The following GABPA variants were observed in gnomAD, a reference collection of about 807,000 sequenced individuals.
The protein encoded by GABPA is GA-binding protein alpha chain.
In GABPA, 4 loss-of-function variants were observed where a neutral mutation model predicts 59.4. The observed-to-expected ratio is 0.07, with a 90% confidence interval of 0.03 to 0.15. GABPA has a LOEUF of 0.15. Among genes scored for constraint, GABPA ranks in the 10% least tolerant of loss-of-function variants. GABPA has a pLI of 1.00. For missense variants in GABPA, 251 were observed against 543.8 expected, an observed-to-expected ratio of 0.46 and a Z score of 5.36; for synonymous variants, 164 against 183.1, an observed-to-expected ratio of 0.90 and a Z score of 0.84.
chr21:25,756,177 A>G (rs993068500), intron 5 of GABPA, among the ~76,000 whole-genome samples: 1 of 143,402 alleles, frequency 7.0e-6, no homozygotes, highest in African/African-American at 2.4e-5. Flanking sequence ...CAGACAAATT[A>G]TATTTTTCCC....
chr21:25,740,539 C>T (rs562460700), intron 1 of GABPA, among the ~76,000 whole-genome samples: 14 of 152,180 alleles, frequency 9.2e-5, no homozygotes, highest in Non-Finnish European at 1.6e-4. Flanking sequence ...TCAGACATGT[C>T]CACAAAGAAA....
chr21:25,745,321 G>T lies in GABPA; in HGVS notation c.189G>T (p.Leu63Phe), dbSNP rs1156555176. The change falls in exon 3 of 10, where the codon TTG becomes TTT. Residue 63 changes from leucine (L) to phenylalanine (F), a missense_variant. Leu to Phe is a conservative substitution (Grantham distance 22). Around this residue, in one of 4 missense-constraint regions of GABPA, gnomAD observed 207 missense variants for 366.7 expected, o/e 0.56. Transcript: ENST00000400075. ...KLLEPRLQCS[L>F]DAHEICLQDI... ...TAGAACCAAGACTACAGTGTTCTTT[G>T]GATGCTCATGAAATTTGTCTGCAAG... 6.2e-7 allele frequency: 1 copy of T among 1,611,112 alleles called. No homozygotes were observed. Among genetic ancestry groups the T allele is most frequent in the Admixed American group, 1.7e-5 (1 of 59,060 alleles).
At chr21:25,735,782 G>A (rs1332979006) in intron 1 of GABPA, 1 of 151,256 alleles carries the variant, frequency 6.6e-6, no homozygotes, top group Non-Finnish European at 1.5e-5. Flanking sequence ...GGGGAGCGAA[G>A]GGGAGGGGCG....
intron 1 of GABPA, among the ~76,000 whole-genome samples, chr21:25,740,854 CAG>C (rs2035202601): frequency 6.6e-6 from 1 of 152,178 alleles, no homozygotes; most frequent in African/African-American, 2.4e-5. Flanking sequence ...ATCATTGTAT[CAG>C]TGTGATACTT....
intron 6 of GABPA, among the ~76,000 whole-genome samples, 178 bp downstream of exon 6, chr21:25,758,382 AAC>A (rs1261972412): frequency 6.6e-6 from 1 of 152,228 alleles, no homozygotes; most frequent in Non-Finnish European, 1.5e-5. Flanking sequence ...TTCCTATAGT[AAC>A]ACCATAAGTC....
rs1240496120 is a variant in GABPA, at chr21:25,734,976, G to T, written c.-629G>T. 6.4e-7 allele frequency: 1 copy of T among 1,563,084 alleles called. No individual in the cohort carries two copies. The highest frequency in any genetic ancestry group is 8.6e-7 in the Non-Finnish European group (1 of 1,156,122). ...TGCATTATGGGCCGCCGTTTCAGTC[G>T]GTCGACGCTCACCGGACAGGAAGCG... On this transcript the variant is annotated 5_prime_UTR_variant, in exon 1 of 10. Coordinates refer to ENST00000400075, the MANE Select transcript of GABPA (RefSeq NM_002040.4).
chr21:25,737,995 A>G (rs186866055), intron 1 of GABPA, among the ~76,000 whole-genome samples: 5 of 152,350 alleles, frequency 3.3e-5, no homozygotes, highest in Non-Finnish European at 5.9e-5. Flanking sequence ...GCTGTCACCA[A>G]TAAAGCTGCC....
At chr21:25,752,921 A>G (rs949439303) in intron 5 of GABPA, among the ~76,000 whole-genome samples, 10 of 152,168 alleles carry the variant, frequency 6.6e-5, no homozygotes, top group African/African-American at 2.4e-4. Context: ...TTTCTTTGGG[A>G]GTAGCAAGGA....
intron 5 of GABPA, among the ~76,000 whole-genome samples, chr21:25,756,407 A>G (rs1355212596): frequency 2.0e-5 from 3 of 151,978 alleles, no homozygotes; most frequent in Non-Finnish European, 2.9e-5. Context: ...GCTCACTTCT[A>G]GTTCCACTCT....
At chr21:25,760,771 T>A (rs767217003) in intron 6 of GABPA, among the ~76,000 whole-genome samples, 15 of 152,154 alleles carry the variant, frequency 9.9e-5, no homozygotes, top group Non-Finnish European at 1.8e-4. Flanking sequence ...GCTTACTTTG[T>A]GTGTAGCAAG....
At chr21:25,761,840 G>C (rs1196545982) in intron 6 of GABPA, among the ~76,000 whole-genome samples, 3 of 152,140 alleles carry the variant, frequency 2.0e-5, no homozygotes, top group Admixed American at 2.0e-4. Context: ...AAAATTTGCT[G>C]TCTTTAAGTA....
At chr21:25,745,141 T>C (rs1389568126) in intron 2 of GABPA, 69 bp from the exon 3 acceptor site, 140 of 1,534,562 alleles carry the variant, frequency 9.1e-5, no homozygotes, top group Non-Finnish European at 1.2e-4. Flanking sequence ...ATTGTGTTTT[T>C]AGCATATTGT....
At chr21:25,754,351 G>A (rs187731992) in intron 5 of GABPA, among the ~76,000 whole-genome samples, 3 of 152,178 alleles carry the variant, frequency 2.0e-5, no homozygotes, top group Admixed American at 1.3e-4. Flanking sequence ...TGTTCTTACT[G>A]CATTATTTTG....
intron 1 of GABPA, among the ~76,000 whole-genome samples, chr21:25,738,211 T>TGCC (rs747545006): frequency 5.8e-4 from 88 of 152,310 alleles, no homozygotes; most frequent in Middle Eastern, 3.4e-3. Context: ...TTCTGACATT[T>TGCC]GCCGCCGCCG....
chr21:25,763,490 C>G (rs1214679970), intron 7 of GABPA, among the ~76,000 whole-genome samples: 1 of 152,118 alleles, frequency 6.6e-6, no homozygotes, highest in African/African-American at 2.4e-5. Context: ...TTGTAGGTTT[C>G]ATTTTCCTCT....
At chr21:25,759,830 CAAG>C (rs2035723752) in intron 6 of GABPA, among the ~76,000 whole-genome samples, 2 of 152,248 alleles carry the variant, frequency 1.3e-5, no homozygotes, top group South Asian at 4.1e-4. Context: ...TAAGAAATCT[CAAG>C]AACACAACAA....
rs71649661 is a variant in GABPA, at chr21:25,739,465, C to T, written c.-26-2108C>T. On this transcript the variant is annotated intron_variant, in intron 1 of 9. Transcript: ENST00000400075. ...AGAGCCTTCGAGGGAGAATCCGTTCCTTGTCTAGCTTTCAGAAGCTACCTG... is the reference window on the plus strand; with the variant it reads ...AGAGCCTTCGAGGGAGAATCCGTTCTTTGTCTAGCTTTCAGAAGCTACCTG... Among the ~76,000 whole-genome samples the T allele has an allele frequency of 4.1e-4, 63 of 152,292 alleles. 1 individual carries two copies. The East Asian group carries it at 0.011, about 27-fold the overall frequency.
chr21:25,762,671 C>T (rs2035793480), intron 7 of GABPA, among the ~76,000 whole-genome samples: 1 of 152,128 alleles, frequency 6.6e-6, no homozygotes, highest in African/African-American at 2.4e-5. Flanking sequence ...ACATTCATAC[C>T]TGACAGAACT....
At chr21:25,759,638 A>G (rs2035719903) in intron 6 of GABPA, among the ~76,000 whole-genome samples, 1 of 152,112 alleles carries the variant, frequency 6.6e-6, no homozygotes, top group Non-Finnish European at 1.5e-5. Context: ...GACTTAGTAC[A>G]TTCATTGTAT....
Sources: allele counts gnomAD v4.1 joint callset (sites outside exome capture counted in the v4.1 genomes callset), GRCh38; gene constraint gnomAD v4.1.1; regional missense constraint gnomAD v4.1.1; transcripts MANE v1.5; gene names NCBI Gene and HGNC (gene_info 2026-07-23, HGNC 2026-07-21).